The following TMPRSS11E variants were observed in gnomAD, a reference collection of about 807,000 sequenced individuals.
The protein encoded by TMPRSS11E is transmembrane serine protease 11E.
TMPRSS11E carries 38 observed loss-of-function variants against 48.1 expected under a neutral mutation model. The observed-to-expected ratio is 0.79, with a 90% CI of 0.61 to 1.04. The LOEUF is 1.04. Among genes scored for constraint, TMPRSS11E ranks in the 50% least tolerant of loss-of-function variants. TMPRSS11E has a pLI of 0.00. For missense variants in TMPRSS11E, 530 were observed against 510.8 expected, an observed-to-expected ratio of 1.04 and a Z score of -0.36; for synonymous variants, 158 against 171.9, an observed-to-expected ratio of 0.92 and a Z score of 0.63.
At chr4:68,469,648 T>C (rs1354710303) in intron 4 of TMPRSS11E, among the ~76,000 whole-genome samples, 1 of 151,952 alleles carries the variant, frequency 6.6e-6, no homozygotes. Flanking sequence ...CTGCCCTTTC[T>C]TGGATCTGCA....
chr4:68,494,165 A>T lies in TMPRSS11E; in HGVS notation c.1111-2478A>T, dbSNP rs377251380. Among the ~76,000 whole-genome samples, 32 of 152,140 alleles carry T rather than the reference A, an allele frequency of 2.1e-4. No homozygotes were observed. The East Asian group carries it at 2.7e-3, about 13-fold the overall frequency. ...CATCTTTTCTTTGAACTCAGCTATC[A>T]CCTTAATGAGTGCCAAACCTGTGTC... On this transcript the variant is annotated intron_variant, in intron 9 of 9. Transcript: ENST00000305363.
chr4:68,459,426 A>C (rs2109669500), intron 1 of TMPRSS11E, among the ~76,000 whole-genome samples: 1 of 152,262 alleles, frequency 6.6e-6, no homozygotes, highest in Admixed American at 6.5e-5. Flanking sequence ...CATAAATTAA[A>C]ATTAAAATTT....
rs774184630 is a variant in TMPRSS11E, at chr4:68,476,270, C to T, written c.539C>T (p.Thr180Ile). Residue 180 changes from threonine (T) to isoleucine (I), a missense_variant, in exon 7 of 10, where the codon ACA (threonine) becomes ATA (isoleucine). Thr to Ile is a moderately conservative substitution (Grantham distance 89). Transcript: ENST00000305363. ...TDSYLNHCCG[T>I]RRSKTLGQSL... ...CCTCTCTCTTTTGCAGGCTGCGGAA[C>T]ACGAAGAAGTAAAACTCTAGGTCAG... The T allele has an allele frequency of 7.4e-6, 12 of 1,613,884 alleles. No individual in the cohort carries two copies. Among genetic ancestry groups the T allele is most frequent in the Admixed American group, 1.7e-5 (1 of 59,994 alleles).
At chr4:68,470,412 T>C (rs534692183) in intron 4 of TMPRSS11E, among the ~76,000 whole-genome samples, 1 of 151,922 alleles carries the variant, frequency 6.6e-6, no homozygotes, top group East Asian at 1.9e-4. Flanking sequence ...CTGAGTAATA[T>C]AAATATTGAA....
At chr4:68,484,254 C>T (rs1729491327) in intron 9 of TMPRSS11E, among the ~76,000 whole-genome samples, 1 of 152,086 alleles carries the variant, frequency 6.6e-6, no homozygotes, top group South Asian at 2.1e-4. Flanking sequence ...AATACTGATT[C>T]TTTCTATTCA....
chr4:68,478,749 C>T, intron 8 of TMPRSS11E, 100 bp from the exon 9 acceptor site: 3 of 1,330,948 alleles, frequency 2.3e-6, no homozygotes, highest in Non-Finnish European at 3.2e-6. Context: ...GTCACCGTGC[C>T]TGGCCTGTAT....
chr4:68,447,629 T>A (rs968433423), intron 1 of TMPRSS11E, 106 bp downstream of exon 1: 2 of 862,614 alleles, frequency 2.3e-6, no homozygotes, highest in East Asian at 2.7e-5. Context: ...ATTATTTTTT[T>A]AAATATAGAA....
intron 4 of TMPRSS11E, among the ~76,000 whole-genome samples, chr4:68,470,089 A>G (rs1159727302): frequency 6.6e-6 from 1 of 151,846 alleles, no homozygotes; most frequent in Non-Finnish European, 1.5e-5. Flanking sequence ...ATTCTAAGGG[A>G]CCATATGAAC....
intron 1 of TMPRSS11E, among the ~76,000 whole-genome samples, chr4:68,452,225 G>A (rs1477856545): frequency 1.3e-5 from 2 of 151,684 alleles, no homozygotes; most frequent in Admixed American, 6.6e-5. Flanking sequence ...AATTAACACC[G>A]GTGGCTACAT....
At chr4:68,486,881 C>G (rs866808873) in intron 9 of TMPRSS11E, among the ~76,000 whole-genome samples, 1 of 152,252 alleles carries the variant, frequency 6.6e-6, no homozygotes, top group African/African-American at 2.4e-5. Context: ...TTTGTTACAC[C>G]ATTTTTTGTC....
At chr4:68,469,668 C>T (rs1417838146) in intron 4 of TMPRSS11E, among the ~76,000 whole-genome samples, 1 of 151,886 alleles carries the variant, frequency 6.6e-6, no homozygotes, top group Non-Finnish European at 1.5e-5. Context: ...AACTACTTCT[C>T]TTATCTTTAA....
Position 68,492,855 on chromosome 4 carries a change from T to C in TMPRSS11E, c.1111-3788T>C, listed in dbSNP as rs1321450031. 5.3e-5 allele frequency among the ~76,000 whole-genome samples: 8 copies of C among 152,304 alleles called. No individual in the cohort carries two copies. The East Asian group carries it at 7.7e-4, about 15-fold the overall frequency. On this transcript the variant is annotated intron_variant, in intron 9 of 9. Transcript: ENST00000305363. ...TACCATGAATAATGAGAATAACCTG[T>C]ATTTTATTTGTCTTCTTGACGGTCA...
intron 9 of TMPRSS11E, among the ~76,000 whole-genome samples, chr4:68,493,468 AT>A (rs1217968264): frequency 6.6e-6 from 1 of 151,964 alleles, no homozygotes; most frequent in African/African-American, 2.4e-5. Flanking sequence ...CATGGCACCC[AT>A]TTTTTTGGGG....
intron 9 of TMPRSS11E, among the ~76,000 whole-genome samples, chr4:68,479,835 C>G (rs940234516): frequency 1.3e-5 from 2 of 151,940 alleles, no homozygotes; most frequent in African/African-American, 4.8e-5. Flanking sequence ...TTAGGAACTT[C>G]TTTTAGCCAC....
At chr4:68,485,924 A>G (rs1191806471) in intron 9 of TMPRSS11E, among the ~76,000 whole-genome samples, 1 of 152,080 alleles carries the variant, frequency 6.6e-6, no homozygotes, top group African/African-American at 2.4e-5. Context: ...TAGATTTTCT[A>G]GTTTGTGTGC....
chr4:68,474,467 A>C (rs1250303110), intron 5 of TMPRSS11E, among the ~76,000 whole-genome samples: 1 of 152,148 alleles, frequency 6.6e-6, no homozygotes, highest in African/African-American at 2.4e-5. Context: ...AATTAGAGTT[A>C]CTGGGAAGGT....
intron 9 of TMPRSS11E, among the ~76,000 whole-genome samples, chr4:68,487,326 C>T (rs909045934): frequency 6.6e-6 from 1 of 151,704 alleles, no homozygotes; most frequent in African/African-American, 2.4e-5. Flanking sequence ...AATCTGAGCT[C>T]ACTACATCCT....
intron 3 of TMPRSS11E, among the ~76,000 whole-genome samples, 155 bp downstream of exon 3, chr4:68,466,907 A>G (rs1728942845): frequency 6.6e-6 from 1 of 152,152 alleles, no homozygotes; most frequent in African/African-American, 2.4e-5. Flanking sequence ...AACAAAATGG[A>G]CAATACATCA....
At chr4:68,494,822 C>T (rs183795505) in intron 9 of TMPRSS11E, among the ~76,000 whole-genome samples, 32 of 152,308 alleles carry the variant, frequency 2.1e-4, no homozygotes, top group African/African-American at 7.7e-4. Flanking sequence ...TGTGGAAACA[C>T]AGGTTTGCTG....
Sources: gnomAD v4.1 joint callset for allele counts (sites outside exome capture counted in the v4.1 genomes callset) on GRCh38, gnomAD v4.1.1 for gene constraint, MANE v1.5 for transcripts, NCBI Gene and HGNC (gene_info 2026-07-23, HGNC 2026-07-21) for gene names.